The following SMARCA4 variants were observed in gnomAD, a reference collection of about 807,000 sequenced individuals.
SMARCA4 encodes the protein SWI/SNF-related matrix-associated actin-dependent regulator of chromatin subfamily A member 4.
SMARCA4 carries 31 observed loss-of-function variants against 193.9 expected under a neutral mutation model. The observed-to-expected ratio is 0.16, with a 90% CI of 0.12 to 0.22. SMARCA4 has a LOEUF of 0.22. SMARCA4 is among the 10% of genes least tolerant of loss of function. SMARCA4 has a pLI of 1.00. For synonymous variants in SMARCA4, 942 were observed against 933.1 expected (o/e 1.01, Z -0.17); for missense variants, 1,148 against 2,296.0 (o/e 0.50, Z 10.22).
At chr19:11,027,569 A>G (rs1261511809) in intron 23 of SMARCA4, among the ~76,000 whole-genome samples, 1 of 152,146 alleles carries the variant, frequency 6.6e-6, no homozygotes, top group Admixed American at 6.5e-5. Context: ...CACCCTGGTG[A>G]TACGCCTCCC....
Position 11,041,684 on chromosome 19 carries a change from T to C in SMARCA4, c.4424+124T>C, listed in dbSNP as rs1600470923. The C allele has an allele frequency of 1.3e-6, 1 of 793,030 alleles. No individual in the cohort carries two copies. Among genetic ancestry groups the C allele is most frequent in the East Asian group, 2.7e-5 (1 of 37,618 alleles). The allele number at this position is 793,030 out of a possible 1,614,324, so 49.1% of individuals were successfully genotyped here. Reference sequence around the variant, plus strand: ...CACTCTTTCACTCATCCACAAACACTGACTGAATCTCTGTGTCTTTGAGCC... The same window carrying C: ...CACTCTTTCACTCATCCACAAACACCGACTGAATCTCTGTGTCTTTGAGCC... On this transcript the variant is annotated intron_variant, in intron 30 of 34. Transcript: ENST00000344626. The surrounding 1 kb of genome is among the most constrained non-coding windows in gnomAD (Gnocchi z 5.6).
chr19:11,055,965 T>A (rs2076525977), intron 30 of SMARCA4, among the ~76,000 whole-genome samples: 1 of 152,040 alleles, frequency 6.6e-6, no homozygotes, highest in Admixed American at 6.6e-5. Context: ...GGGGTTCTTC[T>A]GTTGCCCCTG....
At chr19:11,059,707 C>T (rs1189196318) in intron 32 of SMARCA4, 46 bp from the exon 33 acceptor site, 4 of 1,548,526 alleles carry the variant, frequency 2.6e-6, no homozygotes, top group East Asian at 2.4e-5. Context: ...GGCAGGCAGC[C>T]CTCCAGTCGG....
At chr19:11,050,789 G>A (rs2076214629) in intron 30 of SMARCA4, among the ~76,000 whole-genome samples, 1 of 152,272 alleles carries the variant, frequency 6.6e-6, no homozygotes, top group African/African-American at 2.4e-5. Context: ...CCCCAGGGCA[G>A]GGCCCCTGAG....
At chr19:10,966,661 G>A (rs1200067628) in intron 1 of SMARCA4, among the ~76,000 whole-genome samples, 7 of 144,416 alleles carry the variant, frequency 4.8e-5, no homozygotes, top group Non-Finnish European at 9.1e-5. Context: ...CGAGGCGGGC[G>A]GATCGCCTGA....
chr19:11,059,453 T>C (rs1206086466), intron 32 of SMARCA4, among the ~76,000 whole-genome samples: 1 of 152,266 alleles, frequency 6.6e-6, no homozygotes, highest in African/African-American at 2.4e-5. Context: ...TCCAATGTTA[T>C]TGCAGACCTC....
intron 1 of SMARCA4, among the ~76,000 whole-genome samples, chr19:10,978,978 A>G (rs1219321841): frequency 6.6e-6 from 1 of 152,042 alleles, no homozygotes; most frequent in Non-Finnish European, 1.5e-5. Context: ...ATAGATAGAT[A>G]TCTCAATAGC....
chr19:10,973,302 G>T lies in SMARCA4; in HGVS notation c.-31-10819G>T, dbSNP rs190051675. Among the ~76,000 whole-genome samples the T allele has an allele frequency of 3.4e-4, 52 of 152,296 alleles. 1 individual carries two copies. The highest frequency in any genetic ancestry group is 1.2e-3 in the Admixed American group (19 of 15,292). On this transcript the variant is annotated intron_variant, in intron 1 of 34. Transcript: ENST00000344626. ...CTAGGATAGCATTTGCAGGCTTGCA[G>T]TGTAGACACCACACGTCCCTGTGGG...
At chr19:11,006,025 T>C (rs759896668) in intron 13 of SMARCA4, among the ~76,000 whole-genome samples, 48 of 152,248 alleles carry the variant, frequency 3.2e-4, no homozygotes, top group Non-Finnish European at 5.7e-4. Flanking sequence ...GTCGGTGTTA[T>C]TACCACCTGT....
At chr19:10,989,678 T>C (rs2145856187) in intron 7 of SMARCA4, among the ~76,000 whole-genome samples, 1 of 151,004 alleles carries the variant, frequency 6.6e-6, no homozygotes, top group Admixed American at 6.6e-5. Flanking sequence ...CAGACTTGTA[T>C]GGGCTTCTTT....
intron 18 of SMARCA4, chr19:11,021,484 T>G: frequency 1.6e-6 from 1 of 642,466 alleles, no homozygotes; most frequent in South Asian, 1.6e-5. Context: ...TTTGCATTGT[T>G]CACCTGCCAA....
intron 1 of SMARCA4, among the ~76,000 whole-genome samples, chr19:10,975,731 C>G (rs1599863820): frequency 6.6e-6 from 1 of 152,202 alleles, no homozygotes; most frequent in African/African-American, 2.4e-5. Flanking sequence ...CTTCTAGACC[C>G]TTTGGCCCAG....
chr19:10,987,919 G>A lies in SMARCA4; in HGVS notation c.1113G>A (p.Glu371=), dbSNP rs780678103. The A allele has an allele frequency of 1.2e-6, 2 of 1,612,558 alleles. No individual in the cohort carries two copies. Among genetic ancestry groups the A allele is most frequent in the South Asian group, 2.2e-5 (2 of 90,980 alleles). ...CTGTGGAGATCCTGCAGGAGCGCGAGTACAGGTGAGGGCGGGGCCCAGTTG... is the reference window on the plus strand; with the variant it reads ...CTGTGGAGATCCTGCAGGAGCGCGAATACAGGTGAGGGCGGGGCCCAGTTG... ...LDPVEILQER[E]YRLQARIAHR... is the part of the protein sequence containing the mutation. The change falls in exon 6 of 35, where the codon GAG becomes GAA. Residue 371 remains glutamate, a synonymous_variant. Transcript: ENST00000344626. This position sits in a 1 kb window ranked among gnomAD's most constrained non-coding sequence, Gnocchi z 5.3.
At position 11,035,081 on chromosome 19, in the gene SMARCA4, C is replaced by G. The variant is rs751704331; in HGVS notation, c.4119C>G (p.His1373Gln). Residue 1373 changes from histidine to glutamine, a missense_variant, in exon 29 of 35, where the codon CAC becomes CAG. This residue lies in a region of SMARCA4 where 84 missense variants were observed against 202.2 expected (regional missense o/e 0.42). Transcript: ENST00000344626. ...AGATGTTCGGCCGTGGCTCCCGCCA[C>G]CGCAAGGAGGTGGACTACAGCGACT... ...EEKMFGRGSR[H>Q]RKEVDYSDSL... 5 of 1,612,998 alleles carry G rather than the reference C, an allele frequency of 3.1e-6. No homozygotes were observed. The African/African-American group carries it at 6.7e-5, about 22-fold the overall frequency.
chr19:11,040,262 C>G lies in SMARCA4; in HGVS notation c.4171-1045C>G, dbSNP rs991360576. ...TGCACTCCAACCTCGGTGACAAGAG[C>G]GAAACTCCGTCTCAAAAATATAAAA... On this transcript the variant is annotated intron_variant, in intron 29 of 34. Transcript: ENST00000344626. 5 of 147,872 alleles carry G rather than the reference C, an allele frequency of 3.4e-5. No homozygotes were observed. The Admixed American group carries it at 3.4e-4, about 10-fold the overall frequency. The allele number at this position is 147,872 out of a possible 1,614,324, so 9.2% of individuals were successfully genotyped here. A position where few individuals can be genotyped will look rare whatever the true frequency, so the allele number is the denominator to read the frequency against.
Position 11,030,629 on chromosome 19 carries a change from G to C in SMARCA4, c.3383-101G>C, listed in dbSNP as rs1480861210. ...GCCAGGGATCTGGGGATGCTGGCAG[G>C]TGCTGATCCTGCTCCTGCTCTCAGA... On this transcript the variant is annotated intron_variant, in intron 24 of 34. Coordinates refer to ENST00000344626, the MANE Select transcript of SMARCA4 (RefSeq NM_003072.5). This position sits in a 1 kb window ranked among gnomAD's most constrained non-coding sequence, Gnocchi z 5.5. 9.2e-7 allele frequency: 1 copy of C among 1,087,150 alleles called. No individual in the cohort carries two copies. The highest frequency in any genetic ancestry group is 1.4e-6 in the Non-Finnish European group (1 of 735,028). The allele number at this position is 1,087,150 out of a possible 1,614,324, so 67.3% of individuals were successfully genotyped here.
chr19:11,012,399 G>C (rs1346821240), intron 15 of SMARCA4: 1 of 169,700 alleles, frequency 5.9e-6, no homozygotes, highest in Admixed American at 5.5e-5. Flanking sequence ...AACTTGGCCA[G>C]AACTTACTTC....
rs1324829912 is a variant in SMARCA4, at chr19:10,974,545, A to G, written c.-31-9576A>G. Reference sequence around the variant, plus strand: ...GTAAAAAATAAATAAAAAGCGCCAGACATCTGTGATATGGAAAGGGTAAGT... The same window carrying G: ...GTAAAAAATAAATAAAAAGCGCCAGGCATCTGTGATATGGAAAGGGTAAGT... On this transcript the variant is annotated intron_variant, in intron 1 of 34. Coordinates refer to ENST00000344626, the MANE Select transcript of SMARCA4 (RefSeq NM_003072.5). 2.0e-5 allele frequency among the ~76,000 whole-genome samples: 3 copies of G among 149,838 alleles called. No individual in the cohort carries two copies. The East Asian group carries it at 5.8e-4, about 29-fold the overall frequency.
chr19:10,986,448 G>A lies in SMARCA4; in HGVS notation c.615G>A (p.Gln205=), dbSNP rs755490566. The change falls in exon 4 of 35, where the codon CAG becomes CAA. Residue 205 remains glutamine (Q), a synonymous_variant. Transcript: ENST00000344626. This position sits in a 1 kb window ranked among gnomAD's most constrained non-coding sequence, Gnocchi z 6.7. ...CCGACCACCTGCAGATGGCGGTGCA[G>A]GGCAAGCGGCCGATGCCCGGGATGC... ...PLPDHLQMAV[Q]GKRPMPGMQQ... is the part of the protein sequence containing the mutation. 6.4e-7 allele frequency: 1 copy of A among 1,564,050 alleles called. No homozygotes were observed. The highest frequency in any genetic ancestry group is 8.7e-7 in the Non-Finnish European group (1 of 1,155,162).
Sources: gnomAD v4.1 joint callset for allele counts (sites outside exome capture counted in the v4.1 genomes callset) on GRCh38, gnomAD v4.1.1 for gene constraint, gnomAD v4.1.1 regional missense constraint, Gnocchi (gnomAD v3.1) non-coding constraint, MANE v1.5 for transcripts, NCBI Gene and HGNC (gene_info 2026-07-23, HGNC 2026-07-21) for gene names.